LAMA2: variants seen among roughly 807,000 people sequenced by gnomAD.
The protein encoded by LAMA2 is laminin subunit alpha-2.
A neutral mutation model predicts 364.8 loss-of-function variants in LAMA2; 269 were observed. The ratio of observed to expected loss-of-function variants is 0.74; its 90% CI spans 0.67 to 0.82. LAMA2 has a LOEUF of 0.82. Ranked by LOEUF, LAMA2 falls within the 40% of genes least tolerant of loss-of-function variation. The probability of loss-of-function intolerance (pLI) is 0.00; values close to 1 mark genes in which losing one functional copy is unlikely to be tolerated. For synonymous variants in LAMA2, 1,379 were observed against 1,370.6 expected (o/e 1.01, Z -0.14); for missense variants, 3,807 against 3,873.2 (o/e 0.98, Z 0.45).
At chr6:128,902,195 C>T (rs964303053) in intron 1 of LAMA2, among the ~76,000 whole-genome samples, 5 of 152,208 alleles carry the variant, frequency 3.3e-5, no homozygotes, top group African/African-American at 1.2e-4. Flanking sequence ...TCCCCCAACA[C>T]ATGGGGATTA....
At chr6:129,069,638 G>C (rs944297126) in intron 3 of LAMA2, among the ~76,000 whole-genome samples, 1 of 148,594 alleles carries the variant, frequency 6.7e-6, no homozygotes, top group African/African-American at 2.4e-5. Flanking sequence ...GACTGGGAGA[G>C]GGTATGAGGA....
chr6:129,120,868 A>G (rs1297208626), intron 4 of LAMA2, among the ~76,000 whole-genome samples: 2 of 152,234 alleles, frequency 1.3e-5, no homozygotes, highest in African/African-American at 4.8e-5. Flanking sequence ...AGAAGAATCC[A>G]AATGTGTCTA....
At chr6:128,995,307 G>T (rs1423790515) in intron 1 of LAMA2, among the ~76,000 whole-genome samples, 1 of 152,236 alleles carries the variant, frequency 6.6e-6, no homozygotes, top group African/African-American at 2.4e-5. Flanking sequence ...CATTCAGGTA[G>T]TGGGTATAGT....
At chr6:129,223,436 G>A (rs1480212689) in intron 12 of LAMA2, among the ~76,000 whole-genome samples, 1 of 152,128 alleles carries the variant, frequency 6.6e-6, no homozygotes, top group Non-Finnish European at 1.5e-5. Context: ...GTCCTCAATG[G>A]TATTGCCTAG....
intron 42 of LAMA2, among the ~76,000 whole-genome samples, chr6:129,439,852 A>G (rs1008845157): frequency 6.9e-6 from 1 of 145,526 alleles, no homozygotes; most frequent in African/African-American, 2.6e-5. Flanking sequence ...ATATATATCT[A>G]TCTCAATTGG....
intron 2 of LAMA2, among the ~76,000 whole-genome samples, chr6:129,053,834 T>A (rs1295798718): frequency 6.6e-6 from 1 of 152,102 alleles, no homozygotes; most frequent in Non-Finnish European, 1.5e-5. Context: ...GTATCCTTGA[T>A]GTGAAAGAGA....
intron 1 of LAMA2, among the ~76,000 whole-genome samples, chr6:129,004,641 G>T (rs1784329852): frequency 6.6e-6 from 1 of 152,046 alleles, no homozygotes; most frequent in South Asian, 2.1e-4. Context: ...TGGGTAAATT[G>T]TAAACTCAAT....
intron 12 of LAMA2, 49 bp downstream of exon 12, chr6:129,192,902 G>C: frequency 5.1e-6 from 8 of 1,557,032 alleles, no homozygotes; most frequent in Non-Finnish European, 3.5e-6. Context: ...GACTGATCGT[G>C]AGAATGGGTT....
intron 4 of LAMA2, among the ~76,000 whole-genome samples, chr6:129,105,673 T>C (rs1177180583): frequency 6.6e-6 from 1 of 152,140 alleles, no homozygotes; most frequent in African/African-American, 2.4e-5. Flanking sequence ...TGTCAACAAA[T>C]GTGATAGGTT....
At chr6:128,918,813 T>C (rs1395351785) in intron 1 of LAMA2, among the ~76,000 whole-genome samples, 2 of 152,238 alleles carry the variant, frequency 1.3e-5, no homozygotes, top group African/African-American at 4.8e-5. Context: ...TACTTTTCCA[T>C]TTAAAACAAG....
At chr6:129,400,737 G>A (rs1318254011) in intron 37 of LAMA2, among the ~76,000 whole-genome samples, 1 of 152,140 alleles carries the variant, frequency 6.6e-6, no homozygotes, top group Non-Finnish European at 1.5e-5. Flanking sequence ...TCTTCCATGT[G>A]ATGGTTTCTC....
At chr6:129,406,385 T>G (rs1212919594) in intron 40 of LAMA2, among the ~76,000 whole-genome samples, 1 of 152,232 alleles carries the variant, frequency 6.6e-6, no homozygotes, top group African/African-American at 2.4e-5. Flanking sequence ...GAAATGTTAT[T>G]TTAAGAATTT....
At chr6:129,173,127 G>A (rs537761475) in intron 9 of LAMA2, among the ~76,000 whole-genome samples, 5 of 152,088 alleles carry the variant, frequency 3.3e-5, no homozygotes, top group Admixed American at 6.5e-5. Flanking sequence ...AGAAATCACC[G>A]TCTTCTGCGT....
Position 129,516,540 on chromosome 6 carries a change from A to T in LAMA2, c.*193A>T, listed in dbSNP as rs201080256. 1 of 336,486 alleles carries T rather than the reference A, an allele frequency of 3.0e-6. No homozygotes were observed. The highest frequency in any genetic ancestry group is 5.5e-5 in the East Asian group (1 of 18,282). The allele number at this position is 336,486 out of a possible 1,614,324, so 20.8% of individuals were successfully genotyped here. A position where few individuals can be genotyped will look rare whatever the true frequency, so the allele number is the denominator to read the frequency against. On this transcript the variant is annotated 3_prime_UTR_variant, in exon 65 of 65. Coordinates refer to ENST00000421865, the MANE Select transcript of LAMA2 (RefSeq NM_000426.4). ...AAGTTCTTTCTCAAGTCTATAAATAATATTAAACTGATTATTTCATTCTAA... is the reference window on the plus strand; with the variant it reads ...AAGTTCTTTCTCAAGTCTATAAATATTATTAAACTGATTATTTCATTCTAA...
intron 53 of LAMA2, 141 bp from the exon 54 acceptor site, chr6:129,478,551 GT>G: frequency 1.2e-6 from 1 of 821,430 alleles, no homozygotes; most frequent in Non-Finnish European, 2.0e-6. Context: ...GGAAACCAGA[GT>G]TTGCTGGGTA....
intron 18 of LAMA2, among the ~76,000 whole-genome samples, chr6:129,284,625 T>C (rs904488914): frequency 5.3e-5 from 8 of 152,264 alleles, no homozygotes; most frequent in Admixed American, 2.0e-4. Context: ...AATAGAAATG[T>C]AGGCCGTGAT....
intron 18 of LAMA2, among the ~76,000 whole-genome samples, chr6:129,286,462 A>G (rs9492295): frequency 0.12 from 17,123 of 145,476 alleles, 1,411 homozygotes; most frequent in East Asian, 0.32. Flanking sequence ...CATTTAGGTC[A>G]GAGAAAATTT....
Position 129,393,805 on chromosome 6 carries a change from A to G in LAMA2, c.5445+550A>G, listed in dbSNP as rs558978466. ...TCAAATTCAATCTGAGCACATGACA[A>G]ATAGCTCAATGAATTGAGACCAGAG... On this transcript the variant is annotated intron_variant, in intron 37 of 64. Coordinates refer to ENST00000421865, the MANE Select transcript of LAMA2 (RefSeq NM_000426.4). Among the ~76,000 whole-genome samples, 4 of 152,344 alleles carry G rather than the reference A, an allele frequency of 2.6e-5. No individual in the cohort carries two copies. In the South Asian group the frequency reaches 6.2e-4, roughly 24 times the overall value.
chr6:129,244,132 T>G (rs1785582153), intron 12 of LAMA2, among the ~76,000 whole-genome samples: 1 of 152,112 alleles, frequency 6.6e-6, no homozygotes, highest in Non-Finnish European at 1.5e-5. Flanking sequence ...TTCTATGCAT[T>G]AAGGATGATG....
Sources: gnomAD v4.1 joint callset for allele counts (sites outside exome capture counted in the v4.1 genomes callset) on GRCh38, gnomAD v4.1.1 for gene constraint, MANE v1.5 for transcripts, NCBI Gene and HGNC (gene_info 2026-07-23, HGNC 2026-07-21) for gene names.